RPP30: variants seen among roughly 807,000 people sequenced by gnomAD.
RPP30 encodes ribonuclease P/MRP subunit p30.
Under a neutral mutation model 38.6 loss-of-function variants are expected in RPP30, and 36 were observed. The observed-to-expected ratio is 0.93, with a 90% CI of 0.71 to 1.23. RPP30 has a LOEUF of 1.23. Ranked by LOEUF, RPP30 falls within the 50% of genes most tolerant of loss-of-function variation. The probability of loss-of-function intolerance (pLI) is 0.00; values close to 1 mark genes in which losing one functional copy is unlikely to be tolerated. For synonymous variants in RPP30, 126 were observed against 112.7 expected, an observed-to-expected ratio of 1.12 and a Z score of -0.75; for missense variants, 321 against 321.7, an observed-to-expected ratio of 1.00 and a Z score of 0.02.
intron 6 of RPP30, among the ~76,000 whole-genome samples, chr10:90,888,638 G>T (rs1350931241): frequency 6.6e-6 from 1 of 152,136 alleles, no homozygotes; most frequent in Admixed American, 6.5e-5. Flanking sequence ...GGAAGTATAT[G>T]CCGTGAGGGA....
intron 6 of RPP30, among the ~76,000 whole-genome samples, chr10:90,886,871 G>C (rs920234267): frequency 6.6e-6 from 1 of 151,920 alleles, no homozygotes; most frequent in South Asian, 2.1e-4. Context: ...AATTCTCTTT[G>C]GTGCTAAGGA....
chr10:90,872,115 C>A (rs949339136), intron 1 of RPP30, 47 bp downstream of exon 1: 4 of 1,474,048 alleles, frequency 2.7e-6, no homozygotes, highest in Non-Finnish European at 3.8e-6. Context: ...GCCACCCAGA[C>A]CATCGGGCCA....
intron 1 of RPP30, 90 bp downstream of exon 1, chr10:90,872,158 G>A (rs775736195): frequency 1.4e-5 from 15 of 1,098,846 alleles, no homozygotes; most frequent in Non-Finnish European, 2.0e-5. Context: ...GATGGGTCTC[G>A]GTCAGGTCTC....
intron 5 of RPP30, among the ~76,000 whole-genome samples, chr10:90,884,556 T>C (rs886806374): frequency 6.6e-6 from 1 of 152,204 alleles, no homozygotes; most frequent in African/African-American, 2.4e-5. Context: ...CTGTGGCAGT[T>C]GGGATGGGGC....
intron 10 of RPP30, among the ~76,000 whole-genome samples, chr10:90,897,985 G>T (rs1257160379): frequency 6.6e-6 from 1 of 152,002 alleles, no homozygotes; most frequent in Admixed American, 6.5e-5. Flanking sequence ...AAATTGTATT[G>T]ACTATGGTCA....
chr10:90,883,636 T>C (rs1846961116), intron 5 of RPP30, among the ~76,000 whole-genome samples: 1 of 152,170 alleles, frequency 6.6e-6, no homozygotes, highest in African/African-American at 2.4e-5. Flanking sequence ...TAAACCAACA[T>C]AGAGCCATTG....
At chr10:90,903,981 G>A (rs546529087), downstream of RPP30, among the ~76,000 whole-genome samples, 5 of 152,172 alleles carry the variant, frequency 3.3e-5, no homozygotes, top group South Asian at 4.1e-4. Flanking sequence ...CCCAAATTAC[G>A]CATTTAACAA....
At position 90,885,764 on chromosome 10, in the gene RPP30, T is replaced by G. The variant is rs1351194671; in HGVS notation, c.343-48T>G. ...GTTTGACCCTATCTCCCATTCTTACTTGTGCCAATTTTCCTTTTGGCCTTA... is the reference window on the plus strand; with the variant it reads ...GTTTGACCCTATCTCCCATTCTTACGTGTGCCAATTTTCCTTTTGGCCTTA... On this transcript the variant is annotated intron_variant, in intron 5 of 10. Transcript: ENST00000371703. The G allele has an allele frequency of 3.3e-6, 4 of 1,212,316 alleles. No homozygotes were observed. In the South Asian group the frequency reaches 3.7e-5, roughly 11 times the overall value. 75.1% of individuals were successfully genotyped at this position (1,212,316 alleles called of 1,614,324 possible).
intron 4 of RPP30, among the ~76,000 whole-genome samples, chr10:90,877,396 G>A (rs10881841): frequency 0.19 from 29,614 of 151,964 alleles, 3,221 homozygotes; most frequent in African/African-American, 0.3. Context: ...TTGAAATCAC[G>A]GGAATGGATG....
chr10:90,887,901 C>A lies in RPP30; in HGVS notation c.432+2000C>A, dbSNP rs186781147. Among the ~76,000 whole-genome samples, 3 of 152,310 alleles carry A rather than the reference C, an allele frequency of 2.0e-5. No homozygotes were observed. The East Asian group carries it at 5.8e-4, about 29-fold the overall frequency. On this transcript the variant is annotated intron_variant, in intron 6 of 10. Transcript: ENST00000371703. ...ACAAGAAGTCATTCAGTTCTGTAGTCACACAGGGTTAGGAAAGTTCTGATT... is the reference window on the plus strand; with the variant it reads ...ACAAGAAGTCATTCAGTTCTGTAGTAACACAGGGTTAGGAAAGTTCTGATT...
intron 5 of RPP30, among the ~76,000 whole-genome samples, chr10:90,879,369 G>A (rs546061535): frequency 5.3e-5 from 8 of 152,098 alleles, no homozygotes; most frequent in East Asian, 1.9e-4. Flanking sequence ...GAAAGAGCCC[G>A]TTTTCTTCTG....
Position 90,901,912 on chromosome 10 carries a change from G to A in RPP30, c.*1233G>A, listed in dbSNP as rs1847207970. The A allele has an allele frequency of 2.1e-6, 1 of 484,668 alleles. No individual in the cohort carries two copies. Among genetic ancestry groups the A allele is most frequent in the African/African-American group, 2.1e-5 (1 of 46,652 alleles). The allele number at this position is 484,668 out of a possible 1,614,324, so 30.0% of individuals were successfully genotyped here. The stretch of plus-strand genomic sequence containing the variant: ...CTGCTCACTGCAAGCTCCGCCTCCT[G>A]GGTTCATGCCATTCTCCTGCCTCAG... On this transcript the variant is annotated 3_prime_UTR_variant, in exon 11 of 11. Coordinates refer to ENST00000371703, the MANE Select transcript of RPP30 (RefSeq NM_006413.5).
chr10:90,887,187 C>G (rs1366562385), intron 6 of RPP30, among the ~76,000 whole-genome samples: 1 of 151,930 alleles, frequency 6.6e-6, no homozygotes, highest in Non-Finnish European at 1.5e-5. Context: ...AGGCTGGTCT[C>G]AAACTCCTGG....
At chr10:90,874,674 C>A (rs1334536155) in intron 1 of RPP30, among the ~76,000 whole-genome samples, 195 bp from the exon 2 acceptor site, 2 of 152,150 alleles carry the variant, frequency 1.3e-5, no homozygotes, top group Non-Finnish European at 2.9e-5. Context: ...AGATGAGGAA[C>A]CTGAAACTTC....
At chr10:90,890,089 G>C (rs537656489) in intron 6 of RPP30, among the ~76,000 whole-genome samples, 1 of 152,188 alleles carries the variant, frequency 6.6e-6, no homozygotes, top group Non-Finnish European at 1.5e-5. Context: ...ATCTTAGGTA[G>C]TTCATGGTTC....
rs887560535 is a variant in RPP30, at chr10:90,901,279, A to T, written c.*600A>T. ...TGGGATTACATGAGCCACCACATGC[A>T]GCCAGATGTTTGAATATTTTAAGAG... On this transcript the variant is annotated 3_prime_UTR_variant, in exon 11 of 11. Coordinates refer to ENST00000371703, the MANE Select transcript of RPP30 (RefSeq NM_006413.5). 5.1e-5 allele frequency: 50 copies of T among 984,680 alleles called. No individual in the cohort carries two copies. Among genetic ancestry groups the T allele is most frequent in the Non-Finnish European group, 5.7e-5 (47 of 829,626 alleles). The allele number at this position is 984,680 out of a possible 1,614,324, so 61.0% of individuals were successfully genotyped here.
chr10:90,898,356 G>C (rs1400152736), intron 10 of RPP30, among the ~76,000 whole-genome samples: 1 of 152,182 alleles, frequency 6.6e-6, no homozygotes, highest in African/African-American at 2.4e-5. Context: ...TCCTAAACTA[G>C]ATGATAAAAT....
At chr10:90,907,320 C>T (rs1847263990), downstream of RPP30, among the ~76,000 whole-genome samples, 1 of 152,138 alleles carries the variant, frequency 6.6e-6, no homozygotes, top group Non-Finnish European at 1.5e-5. Context: ...AGCCAGGACC[C>T]CTGTGGGGAA....
intron 6 of RPP30, among the ~76,000 whole-genome samples, chr10:90,891,976 A>C (rs1241410352): frequency 6.6e-6 from 1 of 152,196 alleles, no homozygotes; most frequent in East Asian, 1.9e-4. Flanking sequence ...ATTAACAGGG[A>C]ATCAGTATAT....
Sources: gnomAD v4.1 joint callset for allele counts (sites outside exome capture counted in the v4.1 genomes callset) on GRCh38, gnomAD v4.1.1 for gene constraint, MANE v1.5 for transcripts, NCBI Gene and HGNC (gene_info 2026-07-23, HGNC 2026-07-21) for gene names.